TRHDE: variants seen among roughly 807,000 people sequenced by gnomAD.
The protein encoded by TRHDE is thyrotropin-releasing hormone-degrading ectoenzyme.
Under a neutral mutation model 125.7 loss-of-function variants are expected in TRHDE, and 72 were observed. That is an observed-to-expected ratio of 0.57 (90% CI 0.47 to 0.70). The LOEUF is 0.70. TRHDE is among the 30% of genes least tolerant of loss of function. The pLI, the probability that TRHDE is intolerant of heterozygous loss-of-function variation, is 0.00. For missense variants in TRHDE, 1,110 were observed against 1,327.1 expected, an observed-to-expected ratio of 0.84 and a Z score of 2.54; for synonymous variants, 509 against 509.1, an observed-to-expected ratio of 1.00 and a Z score of 0.00.
chr12:72,391,766 A>C (rs997511065), intron 3 of TRHDE, among the ~76,000 whole-genome samples: 2 of 152,086 alleles, frequency 1.3e-5, no homozygotes, highest in Admixed American at 6.6e-5. Flanking sequence ...ATGGTATGAA[A>C]CTTGATGAGC....
intron 13 of TRHDE, among the ~76,000 whole-genome samples, chr12:72,620,763 C>CTA (rs1873019532): frequency 6.6e-6 from 1 of 151,984 alleles, no homozygotes; most frequent in Non-Finnish European, 1.5e-5. Flanking sequence ...TATAGTATAT[C>CTA]TATATACATT....
At chr12:72,245,203 T>G (rs1452362428) in intron 2 of TRHDE, among the ~76,000 whole-genome samples, 1 of 151,910 alleles carries the variant, frequency 6.6e-6, no homozygotes, top group African/African-American at 2.4e-5. Context: ...GGTTTAGAAA[T>G]TCATTCACAT....
At chr12:72,246,268 G>A (rs1878574077) in intron 2 of TRHDE, among the ~76,000 whole-genome samples, 1 of 151,914 alleles carries the variant, frequency 6.6e-6, no homozygotes, top group South Asian at 2.1e-4. Context: ...CTTAAAATGT[G>A]CCAACCAAAT....
At chr12:72,623,046 C>G (rs923093963) in intron 15 of TRHDE, among the ~76,000 whole-genome samples, 11 of 151,950 alleles carry the variant, frequency 7.2e-5, no homozygotes, top group Non-Finnish European at 1.5e-4. Context: ...CTTCTGGGAA[C>G]TATTTCATTA....
intron 2 of TRHDE, among the ~76,000 whole-genome samples, chr12:72,240,124 CCTT>C (rs1376320470): frequency 2.6e-5 from 4 of 151,824 alleles, no homozygotes; most frequent in African/African-American, 4.8e-5. Context: ...CTCATTTTGA[CCTT>C]CTGTTTTCTT....
At chr12:72,614,179 T>G (rs1872725671) in intron 12 of TRHDE, among the ~76,000 whole-genome samples, 1 of 151,830 alleles carries the variant, frequency 6.6e-6, no homozygotes, top group Non-Finnish European at 1.5e-5. Flanking sequence ...GCATTGGGAA[T>G]TGCAATTCAA....
chr12:72,286,177 G>A (rs573836368), intron 1 of TRHDE, among the ~76,000 whole-genome samples: 1 of 152,198 alleles, frequency 6.6e-6, no homozygotes, highest in Non-Finnish European at 1.5e-5. Context: ...AATTTATCAG[G>A]TCTCAAAATC....
At chr12:72,103,834 G>T (rs1483658520) in intron 1 of TRHDE, among the ~76,000 whole-genome samples, 1 of 152,058 alleles carries the variant, frequency 6.6e-6, no homozygotes, top group Non-Finnish European at 1.5e-5. Context: ...CCAATAAATT[G>T]TCCATTATTA....
intron 2 of TRHDE, among the ~76,000 whole-genome samples, chr12:72,351,330 G>C (rs2135740724): frequency 6.6e-6 from 1 of 152,008 alleles, no homozygotes; most frequent in Middle Eastern, 3.4e-3. Context: ...AGAATATCCA[G>C]AACTAAAAGT....
chr12:72,167,962 G>A (rs998439203), intron 2 of TRHDE, among the ~76,000 whole-genome samples: 4 of 152,204 alleles, frequency 2.6e-5, no homozygotes, highest in South Asian at 4.2e-4. Flanking sequence ...AGGAAAAAGA[G>A]GCTAATCCTA....
chr12:72,241,156 A>C (rs549345404), intron 2 of TRHDE, among the ~76,000 whole-genome samples: 1 of 152,216 alleles, frequency 6.6e-6, no homozygotes, highest in Admixed American at 6.5e-5. Flanking sequence ...AATCGATTCC[A>C]CTTAAAACAG....
chr12:72,172,029 C>G (rs1468246482), intron 2 of TRHDE, among the ~76,000 whole-genome samples: 1 of 152,114 alleles, frequency 6.6e-6, no homozygotes, highest in Non-Finnish European at 1.5e-5. Flanking sequence ...CAAGAGGGTT[C>G]TAGACATTTA....
intron 18 of TRHDE, among the ~76,000 whole-genome samples, chr12:72,661,304 A>T (rs1194517418): frequency 3.3e-5 from 5 of 152,146 alleles, no homozygotes; most frequent in Non-Finnish European, 7.4e-5. Context: ...TTACCATCTC[A>T]TAAGGAAGCC....
At chr12:72,481,734 T>C (rs1358408781) in intron 5 of TRHDE, among the ~76,000 whole-genome samples, 2 of 151,936 alleles carry the variant, frequency 1.3e-5, no homozygotes, top group Non-Finnish European at 2.9e-5. Context: ...TTGAGTGAGC[T>C]CCCTTTGAAA....
At chr12:72,527,336 A>G (rs1565778881) in intron 6 of TRHDE, among the ~76,000 whole-genome samples, 1 of 152,172 alleles carries the variant, frequency 6.6e-6, no homozygotes, top group African/African-American at 2.4e-5. Context: ...AACAGTTTTA[A>G]TTTTGACATG....
chr12:72,392,996 A>G (rs963445789), intron 3 of TRHDE, among the ~76,000 whole-genome samples: 4 of 152,238 alleles, frequency 2.6e-5, no homozygotes, highest in Middle Eastern at 3.4e-3. Context: ...CATACATTTA[A>G]AAATTATACA....
chr12:72,400,695 G>A (rs191189453), intron 3 of TRHDE, among the ~76,000 whole-genome samples: 4 of 152,268 alleles, frequency 2.6e-5, no homozygotes, highest in African/African-American at 9.6e-5. Flanking sequence ...CAGGTTGCAT[G>A]TATTGTTAAA....
rs77518698 is a variant in TRHDE at position 72,628,196 on chromosome 12, C to T, written c.2675+6445C>T. On this transcript the variant is annotated intron_variant, in intron 15 of 18. Transcript: ENST00000261180. ...ATGGGGTAGACCAATGCTAATCAGACGTCAGATGTAATACAAATAATGTAG... is the reference window on the plus strand; with the variant it reads ...ATGGGGTAGACCAATGCTAATCAGATGTCAGATGTAATACAAATAATGTAG... 1.2e-3 allele frequency among the ~76,000 whole-genome samples: 176 copies of T among 151,860 alleles called. 1 individual carries two copies. In the Middle Eastern group the frequency reaches 0.014, roughly 12 times the overall value.
At chr12:72,486,598 G>C (rs946496165) in intron 5 of TRHDE, among the ~76,000 whole-genome samples, 1 of 152,096 alleles carries the variant, frequency 6.6e-6, no homozygotes, top group Non-Finnish European at 1.5e-5. Flanking sequence ...CACTGCACCC[G>C]CATGGAACCA....
Sources: allele counts gnomAD v4.1 joint callset (sites outside exome capture counted in the v4.1 genomes callset), GRCh38; gene constraint gnomAD v4.1.1; transcripts MANE v1.5; gene names NCBI Gene and HGNC (gene_info 2026-07-23, HGNC 2026-07-21).